AIG1: variants seen among roughly 807,000 people sequenced by gnomAD.
AIG1 encodes the protein androgen induced 1.
AIG1 carries 23 observed loss-of-function variants against 31.4 expected under a neutral mutation model. The ratio of observed to expected loss-of-function variants is 0.73; its 90% CI spans 0.53 to 1.04. AIG1 has a LOEUF of 1.04. AIG1 is among the 50% of genes least tolerant of loss of function. The pLI is 0.00. For synonymous variants in AIG1, 100 were observed against 110.5 expected, an observed-to-expected ratio of 0.90 and a Z score of 0.60; for missense variants, 274 against 295.0, an observed-to-expected ratio of 0.93 and a Z score of 0.52.
intron 1 of AIG1, among the ~76,000 whole-genome samples, chr6:143,108,201 G>C (rs1780968426): frequency 6.6e-6 from 1 of 152,180 alleles, no homozygotes. Context: ...TGTAACGGGT[G>C]TGATTTAGAA....
At chr6:143,076,438 TTTAAC>T (rs1777732551) in intron 1 of AIG1, among the ~76,000 whole-genome samples, 1 of 152,206 alleles carries the variant, frequency 6.6e-6, no homozygotes, top group Non-Finnish European at 1.5e-5. Flanking sequence ...TATTTTTACT[TTTAAC>T]TTATCTTTAT....
chr6:143,219,077 A>G (rs1410024913), intron 3 of AIG1, among the ~76,000 whole-genome samples: 1 of 152,254 alleles, frequency 6.6e-6, no homozygotes, highest in Non-Finnish European at 1.5e-5. Context: ...AGCAGAACTC[A>G]TTAGAGCATC....
chr6:143,262,658 C>A (rs1314657588), intron 3 of AIG1, among the ~76,000 whole-genome samples: 1 of 151,500 alleles, frequency 6.6e-6, no homozygotes, highest in Admixed American at 6.6e-5. Context: ...TAGAAGGAGG[C>A]AATATGCATC....
intron 3 of AIG1, chr6:143,187,293 C>T: frequency 1.9e-6 from 2 of 1,029,050 alleles, no homozygotes; most frequent in Non-Finnish European, 1.4e-6. Flanking sequence ...GAGAATTTGA[C>T]TGCTAATATT....
At chr6:143,157,089 T>C (rs1269220132) in intron 2 of AIG1, among the ~76,000 whole-genome samples, 1 of 152,226 alleles carries the variant, frequency 6.6e-6, no homozygotes, top group African/African-American at 2.4e-5. Flanking sequence ...AACTTTGCTT[T>C]CACTAATACA....
At chr6:143,137,043 C>T in intron 2 of AIG1, 53 bp downstream of exon 2, 1 of 1,318,246 alleles carries the variant, frequency 7.6e-7, no homozygotes, top group Non-Finnish European at 9.8e-7. Context: ...GCTCTTATTT[C>T]AGACTTCTAA....
intron 3 of AIG1, among the ~76,000 whole-genome samples, chr6:143,195,902 G>A (rs1017288834): frequency 6.6e-6 from 1 of 152,166 alleles, no homozygotes; most frequent in African/African-American, 2.4e-5. Context: ...CTTGTCATGT[G>A]GCATGTTTTT....
At chr6:143,096,037 G>A (rs1166085191) in intron 1 of AIG1, among the ~76,000 whole-genome samples, 2 of 150,976 alleles carry the variant, frequency 1.3e-5, no homozygotes, top group Non-Finnish European at 2.9e-5. Flanking sequence ...CTCCCGAGTA[G>A]CTGGGACTAC....
intron 1 of AIG1, among the ~76,000 whole-genome samples, chr6:143,130,883 C>A (rs1399682837): frequency 6.6e-6 from 1 of 152,100 alleles, no homozygotes; most frequent in African/African-American, 2.4e-5. Context: ...CCACCTCCAC[C>A]CCTCAATAGA....
At chr6:143,187,488 A>G in intron 3 of AIG1, 3 of 1,535,274 alleles carry the variant, frequency 2.0e-6, no homozygotes, top group Admixed American at 2.0e-5. Flanking sequence ...AATTGAAGAC[A>G]TATGCACAAA....
chr6:143,334,059 T>C lies in AIG1; in HGVS notation c.679+614T>C. 2 of 1,550,458 alleles carry C rather than the reference T, an allele frequency of 1.3e-6. No individual in the cohort carries two copies. Among genetic ancestry groups the C allele is most frequent in the South Asian group, 2.4e-5 (2 of 84,044 alleles). ...TTTAACCTGTGATTTGATTTCTCTT[T>C]TGTTTCCATTTATGGCAGAGCCTCC... On this transcript the variant is annotated intron_variant, in intron 5 of 5. Transcript: ENST00000357847. The surrounding 1 kb of genome is among the most constrained non-coding windows in gnomAD (Gnocchi z 5.1).
intron 2 of AIG1, among the ~76,000 whole-genome samples, chr6:143,155,279 T>C (rs1413049717): frequency 6.6e-6 from 1 of 152,206 alleles, no homozygotes; most frequent in Non-Finnish European, 1.5e-5. Context: ...CAGTCAGTTA[T>C]TTCATGGTAA....
At chr6:143,200,409 A>G (rs1472292008) in intron 3 of AIG1, among the ~76,000 whole-genome samples, 2 of 152,032 alleles carry the variant, frequency 1.3e-5, no homozygotes, top group South Asian at 2.1e-4. Flanking sequence ...TTCCCTGCCC[A>G]CCCCCACTAC....
intron 3 of AIG1, among the ~76,000 whole-genome samples, chr6:143,227,154 T>C (rs1412797838): frequency 6.6e-6 from 1 of 152,154 alleles, no homozygotes; most frequent in African/African-American, 2.4e-5. Context: ...ATCATCAAAT[T>C]AAGTCTCTTG....
chr6:143,286,946 G>A (rs952918307), intron 4 of AIG1, among the ~76,000 whole-genome samples: 1 of 151,792 alleles, frequency 6.6e-6, no homozygotes, highest in Non-Finnish European at 1.5e-5. Context: ...CCCATTCTCG[G>A]TGGTTCTGTT....
chr6:143,331,970 C>T lies in AIG1; in HGVS notation c.516-1312C>T, dbSNP rs143766617. Among the ~76,000 whole-genome samples, 2,437 of 151,614 alleles carry T rather than the reference C, an allele frequency of 0.016. 70 individuals are homozygous for T. The highest frequency in any genetic ancestry group is 0.055 in the African/African-American group (2,288 of 41,278). On this transcript the variant is annotated intron_variant, in intron 4 of 5. Transcript: ENST00000357847. The surrounding 1 kb of genome is among the most constrained non-coding windows in gnomAD (Gnocchi z 4.1). ...CACTGCAACCTCTGCCTCCCAGGGT[C>T]AAGTGATGCTTGTGCCTCAGCCTCC...
chr6:143,062,042 C>T (rs1776305702), intron 1 of AIG1, among the ~76,000 whole-genome samples: 2 of 152,152 alleles, frequency 1.3e-5, no homozygotes, highest in Admixed American at 1.3e-4. Context: ...ACTGTTTATC[C>T]AAGACTATAC....
At chr6:143,313,105 C>A (rs551365016) in intron 4 of AIG1, among the ~76,000 whole-genome samples, 6 of 152,034 alleles carry the variant, frequency 3.9e-5, no homozygotes, top group Non-Finnish European at 8.8e-5. Flanking sequence ...CACTGTTGGT[C>A]GGAATGTAAA....
At chr6:143,322,734 A>T (rs1776314967) in intron 4 of AIG1, among the ~76,000 whole-genome samples, 1 of 152,204 alleles carries the variant, frequency 6.6e-6, no homozygotes, top group Admixed American at 6.5e-5. Flanking sequence ...TCCTTTATGG[A>T]TTAATCACTC....
Sources: gnomAD v4.1 joint callset for allele counts (sites outside exome capture counted in the v4.1 genomes callset) on GRCh38, gnomAD v4.1.1 for gene constraint, Gnocchi (gnomAD v3.1) non-coding constraint, MANE v1.5 for transcripts, NCBI Gene and HGNC (gene_info 2026-07-23, HGNC 2026-07-21) for gene names.